The following DLGAP2 variants were observed in gnomAD, a reference collection of about 807,000 sequenced individuals.
DLGAP2 encodes the protein DLG associated protein 2.
In DLGAP2, 26 loss-of-function variants were observed where a neutral mutation model predicts 100.3. That is an observed-to-expected ratio of 0.26 (90% confidence interval 0.19 to 0.36). DLGAP2 has a LOEUF of 0.36. Among genes scored for constraint, DLGAP2 ranks in the 10% least tolerant of loss-of-function variants. DLGAP2 has a pLI of 1.00. For synonymous variants in DLGAP2, 886 were observed against 630.1 expected (o/e 1.41, Z -6.08); for missense variants, 1,858 against 1,453.2 (o/e 1.28, Z -4.53).
intron 2 of DLGAP2, among the ~76,000 whole-genome samples, chr8:1,163,425 C>G (rs1188265226): frequency 6.6e-6 from 1 of 152,244 alleles, no homozygotes; most frequent in Non-Finnish European, 1.5e-5. Flanking sequence ...GAGGGGAGGC[C>G]TGTGTCCGAT....
At chr8:1,342,445 T>C (rs1424244194) in intron 3 of DLGAP2, among the ~76,000 whole-genome samples, 1 of 152,218 alleles carries the variant, frequency 6.6e-6, no homozygotes, top group East Asian at 1.9e-4. Flanking sequence ...CACTCTGTTG[T>C]TATTGAATGG....
At position 931,307 on chromosome 8, in the gene DLGAP2, G is replaced by C. The variant is rs1028883006; in HGVS notation, c.73+23341G>C. ...AGTTATGTCCACACCCTGGTGTCTG[G>C]GGTCTCCCACGCTGAGGGAGCAGGC... On this transcript the variant is annotated intron_variant, in intron 2 of 14. Transcript: ENST00000637795. Among the ~76,000 whole-genome samples the C allele has an allele frequency of 2.6e-5, 4 of 152,338 alleles. No individual in the cohort carries two copies. The East Asian group carries it at 7.7e-4, about 29-fold the overall frequency.
intron 4 of DLGAP2, among the ~76,000 whole-genome samples, chr8:1,543,724 G>A (rs1801439855): frequency 6.6e-6 from 1 of 152,158 alleles, no homozygotes; most frequent in African/African-American, 2.4e-5. Flanking sequence ...AGCCATGTGA[G>A]GTTTTGACAG....
At position 1,678,563 on chromosome 8, in the gene DLGAP2, A is replaced by C; in HGVS notation, c.2638A>C (p.Lys880Gln). The change falls in exon 12 of 15, where the codon AAG (lysine) becomes CAG (glutamine). Residue 880 changes from lysine to glutamine, a missense_variant. Transcript: ENST00000637795. The part of the protein sequence containing the change: ...WFLKLLHAET[K>Q]RMEGWCKEME... ...TTTGAAGCTGCTGCACGCAGAGACA[A>C]AGAGGATGGAAGGCTGGTGCAAAGA... The C allele has an allele frequency of 6.3e-7, 1 of 1,585,408 alleles. No homozygotes were observed. The highest frequency in any genetic ancestry group is 8.6e-7 in the Non-Finnish European group (1 of 1,166,152).
intron 3 of DLGAP2, among the ~76,000 whole-genome samples, chr8:1,435,728 C>G (rs1451419856): frequency 6.6e-6 from 1 of 151,856 alleles, no homozygotes; most frequent in African/African-American, 2.4e-5. Context: ...TAGGCGATGG[C>G]AGCTCCACGT....
intron 13 of DLGAP2, among the ~76,000 whole-genome samples, chr8:1,693,978 G>A (rs1039396017): frequency 2.0e-5 from 3 of 152,148 alleles, no homozygotes; most frequent in African/African-American, 7.2e-5. Flanking sequence ...GTGAGCCTAG[G>A]CAGGCACTGT....
intron 3 of DLGAP2, among the ~76,000 whole-genome samples, chr8:1,357,538 T>C (rs1801884040): frequency 6.6e-6 from 1 of 151,988 alleles, no homozygotes; most frequent in Admixed American, 6.6e-5. Flanking sequence ...AGACAGCAAA[T>C]ATTTCCCGCC....
chr8:776,386 C>T (rs1165309395), intron 1 of DLGAP2, among the ~76,000 whole-genome samples: 1 of 151,984 alleles, frequency 6.6e-6, no homozygotes, highest in Non-Finnish European at 1.5e-5. Flanking sequence ...TTCTTGCCTT[C>T]TGCTAGCTTT....
At chr8:971,328 G>A (rs1314660345) in intron 2 of DLGAP2, among the ~76,000 whole-genome samples, 1 of 152,196 alleles carries the variant, frequency 6.6e-6, no homozygotes, top group Admixed American at 6.5e-5. Context: ...AGTCACCACT[G>A]TTATCCTCCT....
intron 3 of DLGAP2, among the ~76,000 whole-genome samples, chr8:1,287,297 A>G: frequency 3.5e-5 from 3 of 86,074 alleles, no homozygotes; most frequent in African/African-American, 5.1e-5. Flanking sequence ...TTAGGAGGGG[A>G]ACTAGTTTCG....
Position 1,477,673 on chromosome 8 carries a change from G to A in DLGAP2, c.107-23693G>A, listed in dbSNP as rs78704580. Among the ~76,000 whole-genome samples the A allele has an allele frequency of 8.8e-3, 1,335 of 152,148 alleles. 25 individuals are homozygous for A. The highest frequency in any genetic ancestry group is 0.031 in the African/African-American group (1,287 of 41,486). On this transcript the variant is annotated intron_variant, in intron 3 of 14. Coordinates refer to ENST00000637795, the MANE Select transcript of DLGAP2 (RefSeq NM_001346810.2). Reference sequence around the variant, plus strand: ...CACCCAGGAATGTGCATCCAAAGTAGCTCGCTTATTTACTTCCCTGACATT... The same window carrying A: ...CACCCAGGAATGTGCATCCAAAGTAACTCGCTTATTTACTTCCCTGACATT...
intron 3 of DLGAP2, among the ~76,000 whole-genome samples, chr8:1,438,690 TCACAATACA>T (rs1797729372): frequency 6.6e-6 from 1 of 152,178 alleles, no homozygotes; most frequent in African/African-American, 2.4e-5. Context: ...ATTTGATCTA[TCACAATACA>T]CACTTCATCA....
intron 3 of DLGAP2, among the ~76,000 whole-genome samples, chr8:1,471,843 C>A (rs1003487001): frequency 1.3e-5 from 2 of 152,014 alleles, no homozygotes; most frequent in Admixed American, 6.6e-5. Flanking sequence ...GTCTTCTTTT[C>A]TTCCAGGAGC....
intron 3 of DLGAP2, among the ~76,000 whole-genome samples, chr8:1,386,938 G>C (rs956515279): frequency 6.6e-6 from 1 of 152,166 alleles, no homozygotes; most frequent in African/African-American, 2.4e-5. Flanking sequence ...GTAAAATGTT[G>C]TATGAGGATA....
chr8:1,005,358 A>C (rs1220533005), intron 2 of DLGAP2, among the ~76,000 whole-genome samples: 4 of 151,914 alleles, frequency 2.6e-5, no homozygotes, highest in Non-Finnish European at 5.9e-5. Flanking sequence ...CAGCCCGTCA[A>C]ATAGTTGATG....
chr8:961,351 C>G (rs541240978), intron 2 of DLGAP2, among the ~76,000 whole-genome samples: 1 of 150,422 alleles, frequency 6.6e-6, no homozygotes, highest in Non-Finnish European at 1.5e-5. Flanking sequence ...ATCCAAGAAC[C>G]GTCCAGTTTG....
chr8:830,664 G>A (rs1796764379), intron 1 of DLGAP2, among the ~76,000 whole-genome samples: 1 of 151,958 alleles, frequency 6.6e-6, no homozygotes, highest in African/African-American at 2.4e-5. Context: ...TGCATGCATT[G>A]CATGGTCTAT....
At chr8:1,477,823 A>T (rs1011991564) in intron 3 of DLGAP2, among the ~76,000 whole-genome samples, 1 of 151,670 alleles carries the variant, frequency 6.6e-6, no homozygotes, top group African/African-American at 2.4e-5. Flanking sequence ...TGCCTAATGA[A>T]ATGATAGTCC....
intron 7 of DLGAP2, among the ~76,000 whole-genome samples, chr8:1,632,225 A>G (rs181345828): frequency 6.6e-6 from 1 of 152,338 alleles, no homozygotes; most frequent in African/African-American, 2.4e-5. Flanking sequence ...GGACGAAAAC[A>G]CCAGTACAGC....
Sources: gnomAD v4.1 joint callset for allele counts (sites outside exome capture counted in the v4.1 genomes callset) on GRCh38, gnomAD v4.1.1 for gene constraint, MANE v1.5 for transcripts, NCBI Gene and HGNC (gene_info 2026-07-23, HGNC 2026-07-21) for gene names.